FOXJ3: variants seen among roughly 807,000 people sequenced by gnomAD.
FOXJ3 encodes forkhead box J3.
Under a neutral mutation model 76.1 loss-of-function variants are expected in FOXJ3, and 22 were observed. The observed-to-expected ratio is 0.29, with a 90% confidence interval of 0.21 to 0.41. The LOEUF is 0.41. Ranked by LOEUF, FOXJ3 falls within the 10% of genes least tolerant of loss-of-function variation. FOXJ3 has a pLI of 1.00. For synonymous variants in FOXJ3, 269 were observed against 261.2 expected, an observed-to-expected ratio of 1.03 and a Z score of -0.29; for missense variants, 613 against 762.1, an observed-to-expected ratio of 0.80 and a Z score of 2.30.
chr1:42,261,582 T>C (rs1651042757), intron 4 of FOXJ3, among the ~76,000 whole-genome samples: 2 of 152,172 alleles, frequency 1.3e-5, no homozygotes, highest in South Asian at 2.1e-4. Flanking sequence ...AAAACATCTA[T>C]GATTCAACAA....
intron 2 of FOXJ3, among the ~76,000 whole-genome samples, chr1:42,284,696 T>C (rs1376969080): frequency 6.6e-6 from 1 of 152,232 alleles, no homozygotes; most frequent in Admixed American, 6.5e-5. Flanking sequence ...ACCCAGACTA[T>C]TGTTTCAGAA....
chr1:42,220,313 C>T (rs554855964), intron 5 of FOXJ3, among the ~76,000 whole-genome samples: 8 of 152,236 alleles, frequency 5.3e-5, no homozygotes, highest in Admixed American at 1.3e-4. Flanking sequence ...AACAGTTGTG[C>T]ACATACACAC....
rs576772099 is a variant in FOXJ3 at position 42,299,583 on chromosome 1, G to A, written c.44+11467C>T. On this transcript the variant is annotated intron_variant, in intron 2 of 12. Coordinates refer to ENST00000361346, the MANE Select transcript of FOXJ3 (RefSeq NM_014947.5). ...ATTTGCCACTCTGTATGTTTTAAGC[G>A]GAGCATTTAGGCCATTTACATTCAA... Among the ~76,000 whole-genome samples the A allele has an allele frequency of 1.5e-3, 230 of 150,638 alleles. 1 individual carries two copies. Among genetic ancestry groups the A allele is most frequent in the African/African-American group, 5.2e-3 (214 of 40,934 alleles).
chr1:42,304,561 A>C (rs866124315), intron 2 of FOXJ3, among the ~76,000 whole-genome samples: 2 of 152,222 alleles, frequency 1.3e-5, no homozygotes, highest in Admixed American at 6.5e-5. Context: ...AGCCATACCA[A>C]TGGAACAGGA....
At chr1:42,291,926 G>A (rs2124707041) in intron 2 of FOXJ3, among the ~76,000 whole-genome samples, 1 of 152,276 alleles carries the variant, frequency 6.6e-6, no homozygotes, top group Non-Finnish European at 1.5e-5. Context: ...CAAAGATTCA[G>A]AGGAGCCGAG....
intron 3 of FOXJ3, among the ~76,000 whole-genome samples, chr1:42,275,328 C>T (rs1652179398): frequency 6.6e-6 from 1 of 152,202 alleles, no homozygotes. Flanking sequence ...CTATAACTCC[C>T]TTCCTCTACA....
chr1:42,197,111 T>C (rs1400570577), intron 7 of FOXJ3, among the ~76,000 whole-genome samples: 8 of 152,186 alleles, frequency 5.3e-5, no homozygotes, highest in African/African-American at 1.9e-4. Flanking sequence ...CCTTCACATA[T>C]GAATTAAAAT....
intron 4 of FOXJ3, among the ~76,000 whole-genome samples, chr1:42,243,666 G>A (rs551996816): frequency 2.6e-5 from 4 of 152,080 alleles, no homozygotes; most frequent in South Asian, 2.1e-4. Context: ...AACAAAAAGA[G>A]ACAAAGACAG....
intron 6 of FOXJ3, among the ~76,000 whole-genome samples, chr1:42,202,970 A>G (rs1029623110): frequency 6.6e-6 from 1 of 152,172 alleles, no homozygotes. Context: ...CCTGCACACT[A>G]AAAACAACCT....
chr1:42,250,464 C>T (rs1219739051), intron 4 of FOXJ3, among the ~76,000 whole-genome samples: 1 of 152,146 alleles, frequency 6.6e-6, no homozygotes, highest in Non-Finnish European at 1.5e-5. Context: ...AGTCCTAATT[C>T]TCTAGCATCA....
At chr1:42,318,964 C>G (rs1204832332) in intron 1 of FOXJ3, among the ~76,000 whole-genome samples, 2 of 152,180 alleles carry the variant, frequency 1.3e-5, no homozygotes, top group African/African-American at 4.8e-5. Flanking sequence ...CGTGCAGTAG[C>G]TCACACCTGT....
Position 42,179,677 on chromosome 1 carries a change from A to G in FOXJ3, c.*33T>C. On this transcript the variant is annotated 3_prime_UTR_variant, in exon 13 of 13. Transcript: ENST00000361346. ...TTTCCCTTCACTGCACAGAAAGGTA[A>G]CGTTAGGGTCTGGTGTCTTGCAGAA... is the stretch of plus-strand genomic sequence containing the variant. 1 of 1,325,482 alleles carries G rather than the reference A, an allele frequency of 7.5e-7. No individual in the cohort carries two copies. Among genetic ancestry groups the G allele is most frequent in the Non-Finnish European group, 1.1e-6 (1 of 917,862 alleles). The allele number at this position is 1,325,482 out of a possible 1,614,324, so 82.1% of individuals were successfully genotyped here.
intron 1 of FOXJ3, among the ~76,000 whole-genome samples, chr1:42,332,284 T>A (rs1197444335): frequency 6.6e-6 from 1 of 152,194 alleles, no homozygotes; most frequent in African/African-American, 2.4e-5. Flanking sequence ...AGCATCTATA[T>A]CCCTGGTCAG....
At chr1:42,285,518 G>C (rs1011659565) in intron 2 of FOXJ3, among the ~76,000 whole-genome samples, 3 of 152,082 alleles carry the variant, frequency 2.0e-5, no homozygotes, top group Admixed American at 6.5e-5. Context: ...GGTGAGAGGT[G>C]AAAGAGTCTA....
chr1:42,258,924 T>C (rs1363009644), intron 4 of FOXJ3, among the ~76,000 whole-genome samples: 1 of 152,214 alleles, frequency 6.6e-6, no homozygotes, highest in Non-Finnish European at 1.5e-5. Flanking sequence ...TGTTACTACT[T>C]GAGTGTTATA....
At chr1:42,315,050 T>C (rs949046063) in intron 1 of FOXJ3, among the ~76,000 whole-genome samples, 1 of 152,216 alleles carries the variant, frequency 6.6e-6, no homozygotes, top group Non-Finnish European at 1.5e-5. Flanking sequence ...TAAATGAACC[T>C]TGAAAGCCTC....
rs753230695 is a variant in FOXJ3, at chr1:42,177,341, A to G, written c.*2369T>C. On this transcript the variant is annotated 3_prime_UTR_variant, in exon 13 of 13. Coordinates refer to ENST00000361346, the MANE Select transcript of FOXJ3 (RefSeq NM_014947.5). ...AAATTCGCTTCACACAATTTATAAAATCATCATCAGTGGTTCTACTCAAAT... is the reference window on the plus strand; with the variant it reads ...AAATTCGCTTCACACAATTTATAAAGTCATCATCAGTGGTTCTACTCAAAT... 6.6e-6 allele frequency: 1 copy of G among 152,666 alleles called. No homozygotes were observed. The highest frequency in any genetic ancestry group is 1.5e-5 in the Non-Finnish European group (1 of 68,040). The allele number at this position is 152,666 out of a possible 1,614,324, so 9.5% of individuals were successfully genotyped here.
chr1:42,259,442 G>A (rs1221713555), intron 4 of FOXJ3, among the ~76,000 whole-genome samples: 4 of 151,958 alleles, frequency 2.6e-5, no homozygotes. Flanking sequence ...GAAAAAAGAG[G>A]CCAACAACAA....
chr1:42,231,380 A>C (rs890046081), intron 4 of FOXJ3, among the ~76,000 whole-genome samples: 1 of 152,172 alleles, frequency 6.6e-6, no homozygotes, highest in Non-Finnish European at 1.5e-5. Context: ...CACATAAGCC[A>C]GTCACAGAAG....
Sources: gnomAD v4.1 joint callset for allele counts (sites outside exome capture counted in the v4.1 genomes callset) on GRCh38, gnomAD v4.1.1 for gene constraint, MANE v1.5 for transcripts, NCBI Gene and HGNC (gene_info 2026-07-23, HGNC 2026-07-21) for gene names.